COP1: variants seen among roughly 807,000 people sequenced by gnomAD.
COP1 encodes COP1 E3 ubiquitin ligase.
A neutral mutation model predicts 101.3 loss-of-function variants in COP1; 24 were observed. The ratio of observed to expected loss-of-function variants is 0.24; its 90% CI spans 0.17 to 0.33. COP1 has a LOEUF of 0.33. Ranked by LOEUF, COP1 falls within the 10% of genes least tolerant of loss-of-function variation. The pLI, the probability that COP1 is intolerant of heterozygous loss-of-function variation, is 1.00. For synonymous variants in COP1, 347 were observed against 341.9 expected, an observed-to-expected ratio of 1.01 and a Z score of -0.17; for missense variants, 663 against 906.2, an observed-to-expected ratio of 0.73 and a Z score of 3.45.
chr1:176,194,495 G>C (rs1318181184), intron 1 of COP1, among the ~76,000 whole-genome samples: 1 of 152,038 alleles, frequency 6.6e-6, no homozygotes, highest in Non-Finnish European at 1.5e-5. Context: ...AAAATTAGCT[G>C]GGCATGGTGG....
chr1:176,163,567 C>T (rs1694664161), intron 4 of COP1, among the ~76,000 whole-genome samples: 1 of 152,112 alleles, frequency 6.6e-6, no homozygotes, highest in Non-Finnish European at 1.5e-5. Context: ...AATAATCCTT[C>T]AAATGTCAAG....
intron 18 of COP1, among the ~76,000 whole-genome samples, chr1:175,964,140 TTAAA>T (rs1651717011): frequency 6.6e-6 from 1 of 152,026 alleles, no homozygotes; most frequent in Non-Finnish European, 1.5e-5. Context: ...CACAGAAAGG[TTAAA>T]TAACTTTCCC....
intron 18 of COP1, among the ~76,000 whole-genome samples, chr1:175,957,173 A>G (rs1044251068): frequency 2.5e-4 from 38 of 152,226 alleles, no homozygotes; most frequent in African/African-American, 8.7e-4. Flanking sequence ...AGTGTAGCTT[A>G]GGTATACAGT....
chr1:176,045,448 T>TA (rs1671343978), intron 12 of COP1, among the ~76,000 whole-genome samples: 1 of 152,030 alleles, frequency 6.6e-6, no homozygotes, highest in Admixed American at 6.5e-5. Context: ...TCATTAAAGA[T>TA]AAAAAAGGTT....
chr1:176,198,543 G>T (rs1315411150), intron 1 of COP1, among the ~76,000 whole-genome samples: 5 of 152,018 alleles, frequency 3.3e-5, no homozygotes, highest in Non-Finnish European at 7.4e-5. Flanking sequence ...TTTCATGTTA[G>T]ATAACTTCTT....
intron 18 of COP1, among the ~76,000 whole-genome samples, chr1:175,980,603 A>T: frequency 6.6e-6 from 1 of 151,972 alleles, no homozygotes; most frequent in East Asian, 1.9e-4. Flanking sequence ...GCCTCCCCTA[A>T]CCCTAAAGCT....
chr1:176,178,186 A>C (rs1697223167), intron 2 of COP1, among the ~76,000 whole-genome samples: 1 of 152,170 alleles, frequency 6.6e-6, no homozygotes, highest in Non-Finnish European at 1.5e-5. Context: ...GTAGGCAAGC[A>C]AATACAATAG....
chr1:176,118,348 C>CT lies in COP1; in HGVS notation c.969-1668dup, dbSNP rs551554905. On this transcript the variant is annotated intron_variant, in intron 8 of 19. Coordinates refer to ENST00000367669, the MANE Select transcript of COP1 (RefSeq NM_022457.7). ...CATATGAATCTGTCTACACAGCAGT[C>CT]TTTTTTTTTTAAGGCATAGTTAATG... Among the ~76,000 whole-genome samples, 187 of 148,426 alleles carry CT rather than the reference C, an allele frequency of 1.3e-3. 1 individual carries two copies. The highest frequency in any genetic ancestry group is 4.0e-3 in the African/African-American group (164 of 40,638).
At chr1:176,018,920 C>T (rs575531574) in intron 15 of COP1, among the ~76,000 whole-genome samples, 9 of 152,012 alleles carry the variant, frequency 5.9e-5, no homozygotes, top group Non-Finnish European at 8.8e-5. Context: ...AATCCCAGCA[C>T]TTTGGGAGGC....
intron 8 of COP1, among the ~76,000 whole-genome samples, chr1:176,119,641 T>TACACAC (rs10531356): frequency 2.7e-5 from 4 of 149,834 alleles, no homozygotes; most frequent in South Asian, 2.1e-4. Context: ...TATACATTCA[T>TACACAC]ACACACACAC....
chr1:176,036,520 A>AAAAAAAAAAC (rs1553232075), intron 14 of COP1, among the ~76,000 whole-genome samples: 2 of 143,758 alleles, frequency 1.4e-5, no homozygotes, highest in African/African-American at 2.5e-5. Context: ...AAAAAAAAAA[A>AAAAAAAAAAC]AAAAAAGCAT....
At chr1:176,026,756 C>T (rs1040330814) in intron 15 of COP1, among the ~76,000 whole-genome samples, 3 of 151,724 alleles carry the variant, frequency 2.0e-5, no homozygotes, top group Non-Finnish European at 4.4e-5. Flanking sequence ...TCATATGGTG[C>T]TAACTTGTAT....
intron 9 of COP1, among the ~76,000 whole-genome samples, chr1:176,093,411 T>A (rs1278768118): frequency 6.6e-6 from 1 of 152,170 alleles, no homozygotes; most frequent in Admixed American, 6.5e-5. Flanking sequence ...CCTACAGATC[T>A]CTTCAAAAGT....
chr1:175,968,359 T>G, intron 18 of COP1: 1 of 477,688 alleles, frequency 2.1e-6, no homozygotes, highest in Non-Finnish European at 4.2e-6. Context: ...CTGAATAAAA[T>G]GGCAAGGAAA....
intron 5 of COP1, 131 bp downstream of exon 5, chr1:176,162,738 G>T: frequency 1.6e-6 from 1 of 630,432 alleles, no homozygotes; most frequent in Non-Finnish European, 2.5e-6. Flanking sequence ...GTGACACTTT[G>T]TAGCTGTTTC....
Position 176,193,786 on chromosome 1 carries a change from T to C in COP1, c.408-9094A>G, listed in dbSNP as rs184082279. On this transcript the variant is annotated intron_variant, in intron 1 of 19. Coordinates refer to ENST00000367669, the MANE Select transcript of COP1 (RefSeq NM_022457.7). ...CAGAGACAGAAAGTAAATTAGTGAT[T>C]GTAAGGGAAGAGGAAAAGGAGAGTG... Among the ~76,000 whole-genome samples the C allele has an allele frequency of 5.3e-5, 8 of 152,240 alleles. No homozygotes were observed. The East Asian group carries it at 1.5e-3, about 29-fold the overall frequency.
chr1:176,080,045 G>A (rs1678816814), intron 11 of COP1, among the ~76,000 whole-genome samples: 1 of 151,826 alleles, frequency 6.6e-6, no homozygotes. Flanking sequence ...CCAATATCTG[G>A]AAACTAGTAA....
chr1:175,947,662 G>T (rs1649358983), intron 18 of COP1, among the ~76,000 whole-genome samples: 1 of 152,138 alleles, frequency 6.6e-6, no homozygotes, highest in African/African-American at 2.4e-5. Flanking sequence ...GAGCCACTGT[G>T]CCCAGTCGAA....
At chr1:176,196,777 T>A (rs1479499021) in intron 1 of COP1, among the ~76,000 whole-genome samples, 1 of 151,830 alleles carries the variant, frequency 6.6e-6, no homozygotes, top group African/African-American at 2.4e-5. Flanking sequence ...CAGTGGTTCA[T>A]GCCTATAATC....
Sources: allele counts gnomAD v4.1 joint callset (sites outside exome capture counted in the v4.1 genomes callset), GRCh38; gene constraint gnomAD v4.1.1; transcripts MANE v1.5; gene names NCBI Gene and HGNC (gene_info 2026-07-23, HGNC 2026-07-21).